Variants in ARMH4 observed in about 807,000 individuals in gnomAD.
ARMH4 encodes armadillo like helical domain containing 4.
A neutral mutation model predicts 61.9 loss-of-function variants in ARMH4; 49 were observed. The ratio of observed to expected loss-of-function variants is 0.79; its 90% CI spans 0.63 to 1.00. ARMH4 has a LOEUF of 1.00. Ranked by LOEUF, ARMH4 falls within the 50% of genes least tolerant of loss-of-function variation. ARMH4 has a pLI of 0.00. For synonymous variants in ARMH4, 368 were observed against 341.5 expected (o/e 1.08, Z -0.85); for missense variants, 934 against 930.0 (o/e 1.00, Z -0.06).
intron 5 of ARMH4, among the ~76,000 whole-genome samples, chr14:58,062,526 C>A (rs1248682224): frequency 6.6e-6 from 1 of 152,208 alleles, no homozygotes; most frequent in Non-Finnish European, 1.5e-5. Context: ...GAGTCCAGAG[C>A]TGCAGAGTCA....
chr14:58,119,585 G>A lies in ARMH4; in HGVS notation c.1831+11927C>T, dbSNP rs541130167. On this transcript the variant is annotated intron_variant, in intron 4 of 7. Coordinates refer to ENST00000267485, the MANE Select transcript of ARMH4 (RefSeq NM_001001872.4). ...AGCCCTGCTTGGACCACTGCCCACA[G>A]GGATTCTCAACCCTGGAGTCTGTGC... is the stretch of plus-strand genomic sequence containing the variant. 2.6e-5 allele frequency among the ~76,000 whole-genome samples: 4 copies of A among 152,290 alleles called. No individual in the cohort carries two copies. The East Asian group carries it at 7.7e-4, about 29-fold the overall frequency.
rs746311096 is a variant in ARMH4 at position 58,002,672 on chromosome 14, C to T, written c.*2064G>A. Reference sequence around the variant, plus strand: ...AAAGACAGTAATGCCACACCATGCTCACTTACTCCCAACCTTAGAAACACT... The same window carrying T: ...AAAGACAGTAATGCCACACCATGCTTACTTACTCCCAACCTTAGAAACACT... On this transcript the variant is annotated 3_prime_UTR_variant, in exon 8 of 8. Coordinates refer to ENST00000267485, the MANE Select transcript of ARMH4 (RefSeq NM_001001872.4). 8.5e-5 allele frequency: 13 copies of T among 152,250 alleles called. No individual in the cohort carries two copies. Among genetic ancestry groups the T allele is most frequent in the Non-Finnish European group, 1.3e-4 (9 of 68,050 alleles). The allele number at this position is 152,250 out of a possible 1,614,324, so 9.4% of individuals were successfully genotyped here. A position where few individuals can be genotyped will look rare whatever the true frequency, so the allele number is the denominator to read the frequency against.
At chr14:58,056,108 C>T (rs144800245) in intron 5 of ARMH4, among the ~76,000 whole-genome samples, 225 of 152,284 alleles carry the variant, frequency 1.5e-3, no homozygotes, top group African/African-American at 4.9e-3. Flanking sequence ...AGAAGTTCAA[C>T]TTGGTGATAA....
intron 5 of ARMH4, among the ~76,000 whole-genome samples, chr14:58,042,805 T>C (rs1235519538): frequency 2.0e-5 from 3 of 152,102 alleles, no homozygotes; most frequent in African/African-American, 7.2e-5. Context: ...CATCAGAGAA[T>C]ACAATAAACA....
chr14:58,012,907 C>A (rs1036010063), intron 5 of ARMH4, among the ~76,000 whole-genome samples: 2 of 151,726 alleles, frequency 1.3e-5, no homozygotes, highest in Admixed American at 6.6e-5. Flanking sequence ...AGAATGGCCA[C>A]GTTAAGGTTG....
chr14:58,082,213 T>G (rs1469554492), intron 5 of ARMH4, among the ~76,000 whole-genome samples: 2 of 152,228 alleles, frequency 1.3e-5, no homozygotes, highest in African/African-American at 4.8e-5. Context: ...TTATTTTTGA[T>G]AGTGGATTCC....
intron 5 of ARMH4, among the ~76,000 whole-genome samples, chr14:58,080,794 T>G (rs1391175344): frequency 6.6e-6 from 1 of 152,092 alleles, no homozygotes; most frequent in Non-Finnish European, 1.5e-5. Context: ...AATAAAGAAA[T>G]GTATATGTTT....
At chr14:58,051,406 A>T (rs1341897465) in intron 5 of ARMH4, among the ~76,000 whole-genome samples, 2 of 152,168 alleles carry the variant, frequency 1.3e-5, no homozygotes, top group African/African-American at 4.8e-5. Flanking sequence ...GGTAAGACCC[A>T]CACTCACTCA....
intron 6 of ARMH4, among the ~76,000 whole-genome samples, chr14:58,010,056 G>C (rs774734600): frequency 1.1e-4 from 16 of 152,158 alleles, no homozygotes; most frequent in Non-Finnish European, 1.9e-4. Flanking sequence ...ACCTGACAGA[G>C]TGTCCTGGCT....
At chr14:58,081,864 G>A (rs1468432917) in intron 5 of ARMH4, among the ~76,000 whole-genome samples, 1 of 151,770 alleles carries the variant, frequency 6.6e-6, no homozygotes. Flanking sequence ...TAGTCATGTT[G>A]GGATTTTTTT....
At chr14:58,106,263 C>G (rs1366658469) in intron 4 of ARMH4, among the ~76,000 whole-genome samples, 1 of 152,162 alleles carries the variant, frequency 6.6e-6, no homozygotes, top group Non-Finnish European at 1.5e-5. Context: ...ATCTGATGCT[C>G]CTGCTAGCAT....
At chr14:58,014,517 T>G (rs1183325594) in intron 5 of ARMH4, among the ~76,000 whole-genome samples, 1 of 152,016 alleles carries the variant, frequency 6.6e-6, no homozygotes, top group African/African-American at 2.4e-5. Flanking sequence ...AAATAACAAA[T>G]GCAAAGTGTT....
At chr14:58,147,731 C>T (rs370086572) in intron 1 of ARMH4, among the ~76,000 whole-genome samples, 321 of 152,278 alleles carry the variant, frequency 2.1e-3, no homozygotes, top group African/African-American at 6.6e-3. Flanking sequence ...ATCCTTACAA[C>T]AACCTAATGA....
At chr14:58,017,805 T>C (rs984937149) in intron 5 of ARMH4, among the ~76,000 whole-genome samples, 3 of 151,984 alleles carry the variant, frequency 2.0e-5, no homozygotes, top group Non-Finnish European at 2.9e-5. Flanking sequence ...AACCACAAAA[T>C]AGCTAAAGCA....
intron 4 of ARMH4, among the ~76,000 whole-genome samples, chr14:58,109,340 T>C (rs188884549): frequency 6.9e-4 from 105 of 152,316 alleles, no homozygotes; most frequent in Admixed American, 2.0e-3. Context: ...TATAGTTTTT[T>C]CTATATGGAC....
At chr14:58,081,589 C>T (rs1427433868) in intron 5 of ARMH4, among the ~76,000 whole-genome samples, 1 of 151,858 alleles carries the variant, frequency 6.6e-6, no homozygotes, top group African/African-American at 2.4e-5. Flanking sequence ...CAAGCTCCGC[C>T]TCCCAGGTTC....
At chr14:58,109,856 G>A (rs1432932115) in intron 4 of ARMH4, among the ~76,000 whole-genome samples, 1 of 152,138 alleles carries the variant, frequency 6.6e-6, no homozygotes, top group East Asian at 1.9e-4. Flanking sequence ...TCACAGTACT[G>A]CATGGCTGGA....
chr14:58,143,607 G>A (rs1235497069), intron 1 of ARMH4, among the ~76,000 whole-genome samples: 1 of 151,874 alleles, frequency 6.6e-6, no homozygotes, highest in Non-Finnish European at 1.5e-5. Context: ...GGGATTACAG[G>A]TGCTCACTAC....
At chr14:58,049,126 A>C (rs1367961376) in intron 5 of ARMH4, among the ~76,000 whole-genome samples, 5 of 151,618 alleles carry the variant, frequency 3.3e-5, no homozygotes, top group Admixed American at 6.6e-5. Flanking sequence ...GTAGTCCCAG[A>C]TACTAGGGAG....
Sources: gnomAD v4.1 joint callset for allele counts (sites outside exome capture counted in the v4.1 genomes callset) on GRCh38, gnomAD v4.1.1 for gene constraint, MANE v1.5 for transcripts, NCBI Gene and HGNC (gene_info 2026-07-23, HGNC 2026-07-21) for gene names.